Variants in ZNF71 observed in about 807,000 individuals in gnomAD.
ZNF71 encodes the protein zinc finger protein 71.
A neutral mutation model predicts 6.7 loss-of-function variants in ZNF71; 3 were observed. That is an observed-to-expected ratio of 0.45 (90% confidence interval 0.20 to 1.16). The LOEUF is 1.16. Among genes scored for constraint, ZNF71 ranks in the 50% most tolerant of loss-of-function variants. ZNF71 has a pLI of 0.25. For synonymous variants in ZNF71, 343 were observed against 311.1 expected, an observed-to-expected ratio of 1.10 and a Z score of -1.08; for missense variants, 688 against 728.6, an observed-to-expected ratio of 0.94 and a Z score of 0.64.
intron 1 of ZNF71, among the ~76,000 whole-genome samples, chr19:56,596,012 C>G (rs1412563042): frequency 1.3e-5 from 2 of 151,712 alleles, no homozygotes; most frequent in African/African-American, 4.8e-5. Flanking sequence ...CCCACTTCTT[C>G]AGAGTCTTGG....
intron 3 of ZNF71, among the ~76,000 whole-genome samples, chr19:56,614,543 G>C (rs1330928641): frequency 1.3e-5 from 2 of 152,158 alleles, no homozygotes; most frequent in Non-Finnish European, 2.9e-5. Flanking sequence ...TAAATGCCCA[G>C]CTGTCTAAGA....
chr19:56,622,866 G>A lies in ZNF71; in HGVS notation c.*109G>A, dbSNP rs2044875953. 11 of 1,406,850 alleles carry A rather than the reference G, an allele frequency of 7.8e-6. No homozygotes were observed. The highest frequency in any genetic ancestry group is 1.0e-5 in the Non-Finnish European group (11 of 1,050,038). 87.1% of individuals were successfully genotyped at this position (1,406,850 alleles called of 1,614,324 possible). On this transcript the variant is annotated 3_prime_UTR_variant, in exon 4 of 4. Transcript: ENST00000599599. ...TTCTCCCCTGGGGTGGGGACTCGGG[G>A]TCAGGGGAGCTCAGGAATGTGGGGT...
At position 56,598,991 on chromosome 19, in the gene ZNF71, G is replaced by T. The variant is rs896456846; in HGVS notation, c.-52-2516G>T. Among the ~76,000 whole-genome samples, 1 of 152,154 alleles carries T rather than the reference G, an allele frequency of 6.6e-6. No individual in the cohort carries two copies. Among genetic ancestry groups the T allele is most frequent in the African/African-American group, 2.4e-5 (1 of 41,438 alleles). ...TAGTTTGATTCAGAGGATCTGAGGTGGGGGGCAGGAATATATATTCTGAGT... is the reference window on the plus strand; with the variant it reads ...TAGTTTGATTCAGAGGATCTGAGGTTGGGGGCAGGAATATATATTCTGAGT... On this transcript the variant is annotated intron_variant, in intron 1 of 3. Coordinates refer to ENST00000599599, the MANE Select transcript of ZNF71 (RefSeq NM_001370215.1). This position sits in a 1 kb window ranked among gnomAD's most constrained non-coding sequence, Gnocchi z 4.2.
At chr19:56,595,557 T>C in intron 1 of ZNF71, 129 bp downstream of exon 1, 1 of 158,982 alleles carries the variant, frequency 6.3e-6, no homozygotes, top group Non-Finnish European at 1.4e-5. Flanking sequence ...GCTGAGGGGC[T>C]AAGGAGAGGC....
chr19:56,599,639 C>T (rs1244416219), intron 1 of ZNF71, among the ~76,000 whole-genome samples: 2 of 151,674 alleles, frequency 1.3e-5, no homozygotes, highest in African/African-American at 2.4e-5. Context: ...GGGTATCTGT[C>T]ACCTCAAGGA....
chr19:56,621,178 G>C (rs1192331209), intron 3 of ZNF71, 90 bp from the exon 4 acceptor site: 1 of 1,381,742 alleles, frequency 7.2e-7, no homozygotes, highest in Admixed American at 2.7e-5. Context: ...ATTGGGGTCG[G>C]TTTCATTTGC....
At chr19:56,599,504 C>G (rs1568503009) in intron 1 of ZNF71, among the ~76,000 whole-genome samples, 2 of 151,794 alleles carry the variant, frequency 1.3e-5, no homozygotes, top group Non-Finnish European at 2.9e-5. Context: ...GGGCCTGAAC[C>G]CTGCTTTTCT....
At chr19:56,595,853 T>TTGTGTGTG (rs60371305) in intron 1 of ZNF71, among the ~76,000 whole-genome samples, 17,771 of 137,390 alleles carry the variant, frequency 0.13, 1,423 homozygotes, top group East Asian at 0.22. Flanking sequence ...GTGTGTGTGT[T>TTGTGTGTG]TGTGTGTGTG....
At chr19:56,619,363 C>T (rs1702892246) in intron 3 of ZNF71, among the ~76,000 whole-genome samples, 1 of 152,218 alleles carries the variant, frequency 6.6e-6, no homozygotes, top group South Asian at 2.1e-4. Context: ...CCGTCTGTCT[C>T]TGGGAATCCG....
At chr19:56,617,561 C>T (rs80022079) in intron 3 of ZNF71, among the ~76,000 whole-genome samples, 16,447 of 152,242 alleles carry the variant, frequency 0.11, 1,041 homozygotes, top group African/African-American at 0.16. Flanking sequence ...GAATGAATAG[C>T]GTTTTGCACA....
chr19:56,604,964 G>T lies in ZNF71; in HGVS notation c.33+3373G>T, dbSNP rs111909815. The stretch of plus-strand genomic sequence containing the variant: ...TTACATAAATAAGTGGGCAGGTGGG[G>T]CCTGTAGCAAATTGGAGCTTTCTTG... On this transcript the variant is annotated intron_variant, in intron 2 of 3. Coordinates refer to ENST00000599599, the MANE Select transcript of ZNF71 (RefSeq NM_001370215.1). Among the ~76,000 whole-genome samples the T allele has an allele frequency of 3.9e-5, 6 of 152,298 alleles. 1 individual carries two copies. The highest frequency in any genetic ancestry group is 1.4e-4 in the African/African-American group (6 of 41,560).
chr19:56,597,892 C>G (rs2044638065), intron 1 of ZNF71, among the ~76,000 whole-genome samples: 1 of 152,170 alleles, frequency 6.6e-6, no homozygotes, highest in Non-Finnish European at 1.5e-5. Context: ...GAGCGACTCA[C>G]ATTCCCTCAC....
rs780467724 is a variant in ZNF71, at chr19:56,622,061, C to G, written c.954C>G (p.Ile318Met). ...GKAFSQNMHL[I>M]VHQRTHTGEK... ...CCTTCAGCCAGAACATGCACCTCAT[C>G]GTGCACCAGCGCACGCACACCGGGG... is the stretch of plus-strand genomic sequence containing the variant. The change falls in exon 4 of 4, where the codon ATC becomes ATG. Residue 318 changes from isoleucine to methionine, a missense_variant. Transcript: ENST00000599599. 34 of 1,612,428 alleles carry G rather than the reference C, an allele frequency of 2.1e-5. No homozygotes were observed. The South Asian group carries it at 3.6e-4, about 17-fold the overall frequency.
intron 3 of ZNF71, among the ~76,000 whole-genome samples, chr19:56,620,232 G>A (rs761005039): frequency 1.1e-4 from 17 of 152,162 alleles, no homozygotes; most frequent in South Asian, 2.1e-4. Flanking sequence ...AGCGGGAGCC[G>A]GAGCCCCAGC....
intron 2 of ZNF71, among the ~76,000 whole-genome samples, chr19:56,609,558 C>T (rs2044734282): frequency 1.3e-5 from 2 of 151,876 alleles, no homozygotes; most frequent in South Asian, 4.1e-4. Context: ...TTTGCCTGTC[C>T]CGGACATTGT....
chr19:56,610,584 T>C lies in ZNF71; in HGVS notation c.34-3228T>C, dbSNP rs370929733. The C allele has an allele frequency of 7.9e-5, 12 of 152,362 alleles. No individual in the cohort carries two copies. In the East Asian group the frequency reaches 2.1e-3, roughly 27 times the overall value. 9.4% of individuals were successfully genotyped at this position (152,362 alleles called of 1,614,324 possible). On this transcript the variant is annotated intron_variant, in intron 2 of 3. Coordinates refer to ENST00000599599, the MANE Select transcript of ZNF71 (RefSeq NM_001370215.1). ...TCTTCATCTGATACTGTAATAAATA[T>C]CCTTACACATCTATGTTTTTGCATG...
Position 56,621,973 on chromosome 19 carries a change from T to C in ZNF71, c.866T>C (p.Leu289Pro). Residue 289 changes from leucine (L) to proline (P), a missense_variant, in exon 4 of 4, where the codon CTC becomes CCC. By Grantham distance (98) the Leu-to-Pro change is moderately conservative. Coordinates refer to ENST00000599599, the MANE Select transcript of ZNF71 (RefSeq NM_001370215.1). ...CGKAFRKTSS[L>P]TQHERIHTGE... ...AAGGCCTTCCGGAAGACTTCCTCTCTCACCCAGCACGAGCGGATCCACACG... is the reference window on the plus strand; with the variant it reads ...AAGGCCTTCCGGAAGACTTCCTCTCCCACCCAGCACGAGCGGATCCACACG... 1.2e-6 allele frequency: 2 copies of C among 1,606,276 alleles called. No homozygotes were observed. Among genetic ancestry groups the C allele is most frequent in the Non-Finnish European group, 1.7e-6 (2 of 1,178,290 alleles).
chr19:56,617,112 G>GTTTTTTTTTTTTTTTTTTTTTTTTTT (rs748784485), intron 3 of ZNF71, among the ~76,000 whole-genome samples: 2 of 140,646 alleles, frequency 1.4e-5, no homozygotes, highest in African/African-American at 5.7e-5. Flanking sequence ...ATTTTCTTTT[G>GTTTTTTTTTTTTTTTTTTTTTTTTTT]TTTTTTTTTG....
intron 1 of ZNF71, among the ~76,000 whole-genome samples, chr19:56,595,809 AG>A (rs2044615827): frequency 6.9e-6 from 1 of 144,950 alleles, no homozygotes; most frequent in South Asian, 2.2e-4. Flanking sequence ...TGTCGTCCTG[AG>A]GGTATGGCTG....
Sources: gnomAD v4.1 joint callset for allele counts (sites outside exome capture counted in the v4.1 genomes callset) on GRCh38, gnomAD v4.1.1 for gene constraint, Gnocchi (gnomAD v3.1) non-coding constraint, MANE v1.5 for transcripts, NCBI Gene and HGNC (gene_info 2026-07-23, HGNC 2026-07-21) for gene names.